The following PPP4R2 variants were observed in gnomAD, a reference collection of about 807,000 sequenced individuals.
The protein encoded by PPP4R2 is serine/threonine-protein phosphatase 4 regulatory subunit 2.
Under a neutral mutation model 47.2 loss-of-function variants are expected in PPP4R2, and 13 were observed. That is an observed-to-expected ratio of 0.28 (90% CI 0.18 to 0.44). The LOEUF is 0.44. Ranked by LOEUF, PPP4R2 falls within the 20% of genes least tolerant of loss-of-function variation. The probability of loss-of-function intolerance (pLI) is 1.00; values close to 1 mark genes in which losing one functional copy is unlikely to be tolerated. For missense variants in PPP4R2, 421 were observed against 491.2 expected, an observed-to-expected ratio of 0.86 and a Z score of 1.35; for synonymous variants, 151 against 163.3, an observed-to-expected ratio of 0.92 and a Z score of 0.57.
At chr3:73,023,245 G>A (rs1399102131) in intron 2 of PPP4R2, among the ~76,000 whole-genome samples, 3 of 151,356 alleles carry the variant, frequency 2.0e-5, no homozygotes, top group Non-Finnish European at 4.4e-5. Flanking sequence ...GTGCAATGGC[G>A]CGATCTCAAC....
At chr3:72,997,324 C>T in intron 1 of PPP4R2, 1 of 387,778 alleles carries the variant, frequency 2.6e-6, no homozygotes, top group Non-Finnish European at 4.6e-6. Context: ...TGCGGGGGCC[C>T]CAGTCTTTCT....
intron 5 of PPP4R2, chr3:73,062,975 T>C (rs1183534362): frequency 7.9e-7 from 1 of 1,271,652 alleles, no homozygotes; most frequent in Non-Finnish European, 1.1e-6. Context: ...ATGGCTCCAT[T>C]GCTCTACGGG....
At chr3:73,035,578 T>TGTCC (rs1018552084) in intron 2 of PPP4R2, among the ~76,000 whole-genome samples, 8 of 152,170 alleles carry the variant, frequency 5.3e-5, no homozygotes, top group African/African-American at 1.7e-4. Context: ...GCTGGATAAA[T>TGTCC]GTCCAAAAGA....
At chr3:73,057,894 A>AT (rs2107331629) in intron 3 of PPP4R2, among the ~76,000 whole-genome samples, 1 of 152,300 alleles carries the variant, frequency 6.6e-6, no homozygotes, top group Admixed American at 6.5e-5. Flanking sequence ...CCTATAAAAA[A>AT]TGAAGACCTT....
intron 1 of PPP4R2, chr3:72,997,484 C>G (rs1447589676): frequency 5.1e-6 from 1 of 194,426 alleles, no homozygotes; most frequent in East Asian, 1.1e-4. Flanking sequence ...AGCATCGCAA[C>G]TTTTAAGTTG....
chr3:73,003,988 C>T (rs571620946), intron 2 of PPP4R2, among the ~76,000 whole-genome samples: 1 of 152,286 alleles, frequency 6.6e-6, no homozygotes, highest in African/African-American at 2.4e-5. Flanking sequence ...GCGTGAGCCA[C>T]TGTGCCTGGC....
intron 2 of PPP4R2, among the ~76,000 whole-genome samples, chr3:73,035,025 C>T (rs1238221779): frequency 6.6e-6 from 1 of 151,988 alleles, no homozygotes; most frequent in African/African-American, 2.4e-5. Context: ...AAAATATTTG[C>T]CAACTATCTT....
At chr3:73,063,813 T>G in intron 6 of PPP4R2, 66 bp downstream of exon 6, 12 of 1,246,514 alleles carry the variant, frequency 9.6e-6, no homozygotes, top group African/African-American at 1.5e-5. Flanking sequence ...GCAGGCTTAG[T>G]GTACTTTTTA....
At chr3:73,064,205 A>G (rs914101197) in intron 7 of PPP4R2, 59 bp downstream of exon 7, 6 of 1,369,196 alleles carry the variant, frequency 4.4e-6, no homozygotes, top group Non-Finnish European at 6.0e-6. Context: ...TTAACATTTA[A>G]TCAGTACTTA....
At chr3:73,006,609 C>A (rs1429265568) in intron 2 of PPP4R2, among the ~76,000 whole-genome samples, 1 of 151,998 alleles carries the variant, frequency 6.6e-6, no homozygotes, top group Non-Finnish European at 1.5e-5. Flanking sequence ...TTTTTTTGAA[C>A]CTTGTCTTCA....
chr3:73,033,647 A>G (rs60761737), intron 2 of PPP4R2, among the ~76,000 whole-genome samples: 2 of 152,064 alleles, frequency 1.3e-5, no homozygotes, highest in African/African-American at 4.8e-5. Flanking sequence ...GAACCTTTTT[A>G]TTGTCCCAAA....
chr3:73,019,180 A>G (rs1701908901), intron 2 of PPP4R2, among the ~76,000 whole-genome samples: 1 of 152,212 alleles, frequency 6.6e-6, no homozygotes, highest in African/African-American at 2.4e-5. Context: ...GCTAGGAGCA[A>G]TAAGCCATAT....
intron 2 of PPP4R2, among the ~76,000 whole-genome samples, chr3:73,001,264 A>G (rs1331985226): frequency 6.6e-6 from 1 of 152,116 alleles, no homozygotes; most frequent in Non-Finnish European, 1.5e-5. Flanking sequence ...AAATATACTT[A>G]TATAATTTAC....
At chr3:73,049,123 C>T (rs1044522488) in intron 3 of PPP4R2, among the ~76,000 whole-genome samples, 1 of 152,010 alleles carries the variant, frequency 6.6e-6, no homozygotes, top group Non-Finnish European at 1.5e-5. Context: ...AGGCACTTAT[C>T]CAAGAAATAG....
chr3:73,036,872 ATTG>A (rs10564816), intron 2 of PPP4R2, among the ~76,000 whole-genome samples: 66,964 of 151,804 alleles, frequency 0.44, 14,928 homozygotes, highest in South Asian at 0.55. Flanking sequence ...CATAGCAGAC[ATTG>A]TTAAGATACT....
intron 2 of PPP4R2, among the ~76,000 whole-genome samples, chr3:73,011,207 C>T (rs916715385): frequency 3.3e-5 from 5 of 152,176 alleles, no homozygotes; most frequent in East Asian, 1.9e-4. Flanking sequence ...AGGCCAGGTG[C>T]GGTGGCTCAC....
chr3:73,016,404 C>T (rs556966877), intron 2 of PPP4R2, among the ~76,000 whole-genome samples: 3 of 152,144 alleles, frequency 2.0e-5, no homozygotes, highest in Non-Finnish European at 4.4e-5. Flanking sequence ...TGCCTCCAAA[C>T]ATCCTATATT....
At position 73,002,634 on chromosome 3, in the gene PPP4R2, C is replaced by CTTTTTT. The variant is rs1173734970; in HGVS notation, c.116+4496_116+4501dup. Among the ~76,000 whole-genome samples the CTTTTTT allele has an allele frequency of 3.5e-3, 144 of 41,166 alleles. 2 individuals are homozygous for CTTTTTT. The highest frequency in any genetic ancestry group is 5.1e-3 in the African/African-American group (44 of 8,562). 27.0% of individuals were successfully genotyped at this position (41,166 alleles called of 152,430 possible). On this transcript the variant is annotated intron_variant, in intron 2 of 8. Transcript: ENST00000356692. ...CTTTTCTTTTCTTTTCTTTTCTTTT[C>CTTTTTT]TTTTTTTTTTTTTTTTTTTTTTTTT...
intron 2 of PPP4R2, among the ~76,000 whole-genome samples, chr3:73,002,691 G>A (rs1165844888): frequency 7.4e-6 from 1 of 135,164 alleles, no homozygotes; most frequent in Non-Finnish European, 1.5e-5. Flanking sequence ...ACCCAGGCTG[G>A]AGTGCAGTGG....
Sources: gnomAD v4.1 joint callset for allele counts (sites outside exome capture counted in the v4.1 genomes callset) on GRCh38, gnomAD v4.1.1 for gene constraint, MANE v1.5 for transcripts, NCBI Gene and HGNC (gene_info 2026-07-23, HGNC 2026-07-21) for gene names.